PHKA1: variants seen among roughly 807,000 people sequenced by gnomAD.
PHKA1 encodes phosphorylase kinase regulatory subunit alpha 1.
A neutral mutation model predicts 110.2 loss-of-function variants in PHKA1; 60 were observed. The observed-to-expected ratio is 0.54, with a 90% CI of 0.44 to 0.68. PHKA1 has a LOEUF of 0.68. Ranked by LOEUF, PHKA1 falls within the 30% of genes least tolerant of loss-of-function variation. The probability of loss-of-function intolerance (pLI) is 0.00; values close to 1 mark genes in which losing one functional copy is unlikely to be tolerated. For missense variants in PHKA1, 801 were observed against 942.5 expected (o/e 0.85, Z 1.97); for synonymous variants, 316 against 333.6 (o/e 0.95, Z 0.58).
intron 18 of PHKA1, chrX:72,621,786 G>A: frequency 2.7e-6 from 2 of 751,382 alleles, no homozygotes; most frequent in Non-Finnish European, 3.1e-6. Context: ...CTTGAGTGGA[G>A]GATTATGAAG....
chrX:72,655,033 G>A (rs1235522862), intron 10 of PHKA1, among the ~76,000 whole-genome samples: 1 of 110,184 alleles, frequency 9.1e-6, no homozygotes, highest in Non-Finnish European at 1.9e-5. Context: ...TCCTGACCTC[G>A]TGATCCGCCC....
intron 17 of PHKA1, among the ~76,000 whole-genome samples, chrX:72,625,562 G>A (rs2053048788): frequency 9.0e-6 from 1 of 111,651 alleles, no homozygotes; most frequent in Non-Finnish European, 1.9e-5. Context: ...ATTGTGTCTA[G>A]TGCTGTGATG....
intron 16 of PHKA1, 128 bp from the exon 17 acceptor site, chrX:72,627,177 C>A (rs1556283435): frequency 1.9e-6 from 1 of 531,920 alleles, no homozygotes; most frequent in African/African-American, 2.3e-5. Flanking sequence ...CATTGACCAT[C>A]CTGATTTTAA....
intron 3 of PHKA1, among the ~76,000 whole-genome samples, chrX:72,702,055 T>C (rs1196462523): frequency 8.9e-6 from 1 of 111,772 alleles, no homozygotes; most frequent in Non-Finnish European, 1.9e-5. Flanking sequence ...TTCCTTCCTT[T>C]TTTTCCCCCA....
chrX:72,613,378 T>TACAC (rs60746566), intron 21 of PHKA1, among the ~76,000 whole-genome samples: 2,384 of 97,943 alleles, frequency 0.024, 27 homozygotes, highest in Non-Finnish European at 0.03. Flanking sequence ...CATGGGAGGA[T>TACAC]ACACACACAC....
At chrX:72,712,975 T>C in intron 1 of PHKA1, 38 bp from the exon 2 acceptor site, 5 of 1,195,427 alleles carry the variant, frequency 4.2e-6, no homozygotes, top group Middle Eastern at 2.3e-4. Context: ...AAGGTAACCA[T>C]AGGTGTTAAC....
chrX:72,629,634 G>T (rs2053135873), intron 16 of PHKA1, among the ~76,000 whole-genome samples: 1 of 111,840 alleles, frequency 8.9e-6, no homozygotes, highest in Non-Finnish European at 1.9e-5. Context: ...GCTATTTAAA[G>T]TAATTATTGA....
At chrX:72,694,602 C>T (rs1556325834) in intron 4 of PHKA1, among the ~76,000 whole-genome samples, 9 of 112,086 alleles carry the variant, frequency 8.0e-5, no homozygotes. Context: ...TCTACTTATT[C>T]CTCAAAGGCC....
intron 28 of PHKA1, among the ~76,000 whole-genome samples, chrX:72,598,027 C>G (rs1386698136): frequency 9.0e-6 from 1 of 111,506 alleles, no homozygotes; most frequent in Non-Finnish European, 1.9e-5. Flanking sequence ...TTGTGGAAAT[C>G]AAAAATTTTT....
Position 72,609,625 on chromosome X carries a change from C to T in PHKA1, c.2605G>A (p.Ala869Thr), listed in dbSNP as rs1556256896. 6 of 1,190,846 alleles carry T rather than the reference C, an allele frequency of 5.0e-6. No individual in the cohort carries two copies. The highest frequency in any genetic ancestry group is 5.7e-6 in the Non-Finnish European group (5 of 877,862). ...PPEPREKTIS[A>T]PLPYEALTQL... Reference sequence around the variant, plus strand: ...CTGACCAAACCCAGCCATACTCACGCAGAGATAGTCTTTTCTCGAGGTTCT... The same window carrying T: ...CTGACCAAACCCAGCCATACTCACGTAGAGATAGTCTTTTCTCGAGGTTCT... The change falls in exon 23 of 32, where the codon GCA becomes ACA. Residue 869 changes from alanine to threonine, a missense_variant and splice_region_variant. This residue lies in a region of PHKA1 where 502 missense variants were observed against 519.2 expected (regional missense o/e 0.97). Coordinates refer to ENST00000373542, the MANE Select transcript of PHKA1 (RefSeq NM_002637.4).
intron 16 of PHKA1, among the ~76,000 whole-genome samples, chrX:72,633,336 T>C (rs1487416597): frequency 9.0e-6 from 1 of 110,962 alleles, no homozygotes; most frequent in Non-Finnish European, 1.9e-5. Flanking sequence ...TTCTGTCCCT[T>C]CTACAATGTA....
chrX:72,703,752 A>G (rs1303565302), intron 3 of PHKA1, among the ~76,000 whole-genome samples: 1 of 111,948 alleles, frequency 8.9e-6, no homozygotes, highest in African/African-American at 3.2e-5. Flanking sequence ...TCTATCTATC[A>G]TATATTTCTA....
chrX:72,602,095 G>T, intron 27 of PHKA1, 63 bp downstream of exon 27: 1 of 1,085,932 alleles, frequency 9.2e-7, no homozygotes, highest in Non-Finnish European at 1.3e-6. Flanking sequence ...AACAAAGTCT[G>T]ATTCCAAAAG....
rs1007493813 is a variant in PHKA1 at position 72,648,619 on chromosome X, C to T, written c.1324+1771G>A. Among the ~76,000 whole-genome samples the T allele has an allele frequency of 3.6e-5, 4 of 110,942 alleles. No individual in the cohort carries two copies. In the Admixed American group the frequency reaches 3.8e-4, roughly 11 times the overall value. On this transcript the variant is annotated intron_variant, in intron 13 of 31. Transcript: ENST00000373542. ...AGGCCAGGTAAAGGATCAGAAAATG[C>T]AGACTGTAACACTGACCTGGGGCTG...
At chrX:72,627,082 G>C in intron 16 of PHKA1, 33 bp from the exon 17 acceptor site, 1 of 1,075,386 alleles carries the variant, frequency 9.3e-7, no homozygotes, top group Non-Finnish European at 1.3e-6. Flanking sequence ...AACAATCTTT[G>C]TGGTTTTAAC....
chrX:72,711,341 A>G (rs1263109085), intron 2 of PHKA1, among the ~76,000 whole-genome samples: 1 of 112,112 alleles, frequency 8.9e-6, no homozygotes. Flanking sequence ...TCAAACTAGA[A>G]AACGTTGAGT....
At chrX:72,616,198 TC>T (rs2052894817) in intron 21 of PHKA1, among the ~76,000 whole-genome samples, 1 of 109,869 alleles carries the variant, frequency 9.1e-6, no homozygotes, top group South Asian at 4.0e-4. Context: ...AGACCCCAGC[TC>T]TGCAAAAAAA....
chrX:72,682,389 C>T (rs1353413826), intron 5 of PHKA1, among the ~76,000 whole-genome samples: 4 of 112,820 alleles, frequency 3.5e-5, no homozygotes, highest in African/African-American at 9.6e-5. Flanking sequence ...AGGTGAGGGG[C>T]GCCTCTGCCC....
intron 9 of PHKA1, 101 bp downstream of exon 9, chrX:72,657,487 C>T (rs1403590117): frequency 1.7e-6 from 1 of 586,465 alleles, no homozygotes; most frequent in African/African-American, 2.3e-5. Context: ...ACTTAGTGAT[C>T]TCTATAAGTA....
Sources: allele counts gnomAD v4.1 joint callset (sites outside exome capture counted in the v4.1 genomes callset), GRCh38; gene constraint gnomAD v4.1.1; regional missense constraint gnomAD v4.1.1; transcripts MANE v1.5; gene names NCBI Gene and HGNC (gene_info 2026-07-23, HGNC 2026-07-21).